Variants in ZNF829 observed in about 807,000 individuals in gnomAD.
ZNF829 encodes zinc finger protein 829.
ZNF829 carries 25 observed loss-of-function variants against 35.2 expected under a neutral mutation model. The observed-to-expected ratio is 0.71, with a 90% CI of 0.52 to 0.99. The LOEUF (loss-of-function observed/expected upper bound fraction) is 0.99. ZNF829 is among the 50% of genes least tolerant of loss of function. The probability of loss-of-function intolerance (pLI) is 0.00; values close to 1 mark genes in which losing one functional copy is unlikely to be tolerated. For synonymous variants in ZNF829, 136 were observed against 163.2 expected (o/e 0.83, Z 1.27); for missense variants, 417 against 515.3 (o/e 0.81, Z 1.85).
At position 36,892,159 on chromosome 19, in the gene ZNF829, G is replaced by A; in HGVS notation, c.632C>T (p.Pro211Leu). The A allele has an allele frequency of 6.2e-7, 1 of 1,614,072 alleles. No homozygotes were observed. The highest frequency in any genetic ancestry group is 8.5e-7 in the Non-Finnish European group (1 of 1,180,018). ...RHQRIHTGKK[P>L]YECKECGKAF... ...CTTGCCACATTCCTTACATTCATAGGGTTTTTTACCAGTGTGAATCCTCTG... is the reference window on the plus strand; with the variant it reads ...CTTGCCACATTCCTTACATTCATAGAGTTTTTTACCAGTGTGAATCCTCTG... Residue 211 changes from proline (P) to leucine (L), a missense_variant, in exon 6 of 6, where the codon CCC (proline) becomes CTC (leucine). Physicochemically the swap from Pro to Leu is moderately conservative, Grantham distance 98 (BLOSUM62 -3). Transcript: ENST00000391711.
intron 3 of ZNF829, among the ~76,000 whole-genome samples, chr19:36,911,614 A>G (rs1483574409): frequency 6.6e-6 from 1 of 152,170 alleles, no homozygotes; most frequent in Non-Finnish European, 1.5e-5. Flanking sequence ...ATAAAAGGAC[A>G]CACATTCCCA....
intron 5 of ZNF829, among the ~76,000 whole-genome samples, chr19:36,898,177 A>G (rs1257343690): frequency 2.0e-5 from 3 of 151,186 alleles, no homozygotes; most frequent in East Asian, 3.9e-4. Context: ...TCAAAAAGGG[A>G]AAAAAAAAGG....
rs1194563821 is a variant in ZNF829 at position 36,888,505 on chromosome 19, A to G, written c.*2987T>C. 2 of 152,198 alleles carry G rather than the reference A, an allele frequency of 1.3e-5. No individual in the cohort carries two copies. Among genetic ancestry groups the G allele is most frequent in the Non-Finnish European group, 2.9e-5 (2 of 68,042 alleles). 9.4% of individuals were successfully genotyped at this position (152,198 alleles called of 1,614,324 possible). A position where few individuals can be genotyped will look rare whatever the true frequency, so the allele number is the denominator to read the frequency against. On this transcript the variant is annotated 3_prime_UTR_variant, in exon 6 of 6. Transcript: ENST00000391711. The stretch of plus-strand genomic sequence containing the variant: ...TTCTACTCTGCACTCTGAAATCCAC[A>G]GTAACTTATTAGCATAATGCCCCCA...
chr19:36,915,049 G>C (rs772257900), intron 2 of ZNF829, 27 bp from the exon 3 acceptor site: 1 of 1,613,976 alleles, frequency 6.2e-7, no homozygotes, highest in Non-Finnish European at 8.5e-7. Flanking sequence ...TTGGGAGAGG[G>C]AAGAGTAACT....
At chr19:36,904,828 GGT>G (rs763166840) in intron 5 of ZNF829, among the ~76,000 whole-genome samples, 3 of 152,104 alleles carry the variant, frequency 2.0e-5, no homozygotes, top group Non-Finnish European at 2.9e-5. Context: ...CAAGTACAAA[GGT>G]ACAAGGTTAA....
intron 5 of ZNF829, chr19:36,901,840 C>A: frequency 1.4e-6 from 1 of 736,702 alleles, no homozygotes. Context: ...ACAAGCGCAT[C>A]CATGGAGTGG....
intron 5 of ZNF829, among the ~76,000 whole-genome samples, chr19:36,894,637 A>C (rs1002334250): frequency 4.6e-5 from 7 of 152,158 alleles, no homozygotes; most frequent in African/African-American, 1.7e-4. Context: ...GAAACTGACA[A>C]ATTTCAATGA....
In ZNF829 at chr19:36,907,963, C is replaced by T. The variant is rs372039208; in HGVS notation, c.285G>A (p.Met95Ile). Residue 95 changes from methionine to isoleucine, a missense_variant, in exon 5 of 6, where the codon ATG becomes ATA. Transcript: ENST00000391711. ...SLLEQGKEPW[M>I]VDRELTRGLC... ...GGCCTCTAGTCAGCTCTCTATCAAC[C>T]ATCCAGGGCTCTTTTCCTTGTTCCA... 105 of 1,613,920 alleles carry T rather than the reference C, an allele frequency of 6.5e-5. No homozygotes were observed. The highest frequency in any genetic ancestry group is 7.4e-5 in the Non-Finnish European group (87 of 1,179,966).
intron 1 of ZNF829, 56 bp downstream of exon 1, chr19:36,915,955 C>T (rs1410335862): frequency 2.6e-6 from 4 of 1,533,424 alleles, no homozygotes; most frequent in South Asian, 1.2e-5. Flanking sequence ...TTCCAGTCAT[C>T]CCGGATGGGA....
chr19:36,891,943 A>T lies in ZNF829; in HGVS notation c.848T>A (p.Leu283His). The change falls in exon 6 of 6, where the codon CTT becomes CAT. Residue 283 changes from leucine to histidine, a missense_variant. Transcript: ENST00000391711. ...AGTATGAATTCTCAGATGTAGAAAA[A>T]GTTGTGAACTTTTAGTAAAGGCTTT... ...CGKAFTKSSQLFLHLRIHTGE... is the reference protein window; with the variant it reads ...CGKAFTKSSQHFLHLRIHTGE... 2 of 1,614,032 alleles carry T rather than the reference A, an allele frequency of 1.2e-6. No individual in the cohort carries two copies. The highest frequency in any genetic ancestry group is 1.7e-6 in the Non-Finnish European group (2 of 1,180,000).
chr19:36,916,062 G>C lies in ZNF829; in HGVS notation c.-136C>G, dbSNP rs1729399741. On this transcript the variant is annotated 5_prime_UTR_variant, in exon 1 of 6. Transcript: ENST00000391711. The surrounding 1 kb of genome is among the most constrained non-coding windows in gnomAD (Gnocchi z 5.3). ...AGTGACGAAACGTTCGAATTCCTGC[G>C]AGAAAAGTGGCAGGCCACCAGGCCC... 1 of 882,594 alleles carries C rather than the reference G, an allele frequency of 1.1e-6. No individual in the cohort carries two copies. Among genetic ancestry groups the C allele is most frequent in the African/African-American group, 1.7e-5 (1 of 58,164 alleles). The allele number at this position is 882,594 out of a possible 1,614,324, so 54.7% of individuals were successfully genotyped here.
chr19:36,893,323 G>A (rs1035630045), intron 5 of ZNF829, among the ~76,000 whole-genome samples: 1 of 152,180 alleles, frequency 6.6e-6, no homozygotes, highest in African/African-American at 2.4e-5. Context: ...TTGACCTTGG[G>A]AGAAAGAAAT....
intron 3 of ZNF829, 140 bp from the exon 4 acceptor site, chr19:36,908,599 G>T: frequency 1.1e-6 from 1 of 899,614 alleles, no homozygotes; most frequent in Non-Finnish European, 1.6e-6. Context: ...TGTACAAAGG[G>T]ATATACAAAT....
chr19:36,888,429 T>C lies in ZNF829; in HGVS notation c.*3063A>G, dbSNP rs2073018242. On this transcript the variant is annotated 3_prime_UTR_variant, in exon 6 of 6. Coordinates refer to ENST00000391711, the MANE Select transcript of ZNF829 (RefSeq NM_001037232.4). ...ATCCAGTACTCCCACGTCAATAAAATTTATACACCCATTTTCTGTTCCCAC... is the reference window on the plus strand; with the variant it reads ...ATCCAGTACTCCCACGTCAATAAAACTTATACACCCATTTTCTGTTCCCAC... 1 of 152,166 alleles carries C rather than the reference T, an allele frequency of 6.6e-6. No homozygotes were observed. Among genetic ancestry groups the C allele is most frequent in the Non-Finnish European group, 1.5e-5 (1 of 68,026 alleles). The allele number at this position is 152,166 out of a possible 1,614,324, so 9.4% of individuals were successfully genotyped here. A position where few individuals can be genotyped will look rare whatever the true frequency, so the allele number is the denominator to read the frequency against.
chr19:36,900,206 TG>T, intron 5 of ZNF829, among the ~76,000 whole-genome samples: 1 of 147,360 alleles, frequency 6.8e-6, no homozygotes, highest in Admixed American at 6.8e-5. Context: ...ACAAATTTGC[TG>T]GGCGTGGTGG....
chr19:36,902,193 C>G (rs1225049255), intron 5 of ZNF829: 1 of 217,002 alleles, frequency 4.6e-6, no homozygotes, highest in Non-Finnish European at 9.1e-6. Context: ...AGTACCCCCC[C>G]GCACCCCGCA....
intron 5 of ZNF829, among the ~76,000 whole-genome samples, chr19:36,903,784 G>A (rs1399533159): frequency 3.3e-5 from 5 of 151,912 alleles, no homozygotes; most frequent in Admixed American, 6.6e-5. Flanking sequence ...CCAGCTACTC[G>A]GGAGGCTGAA....
chr19:36,908,496 AAAG>A lies in ZNF829; in HGVS notation c.97-40_97-38del, dbSNP rs773538775. 17 of 1,569,886 alleles carry A rather than the reference AAAG, an allele frequency of 1.1e-5. No individual in the cohort carries two copies. In the South Asian group the frequency reaches 2.0e-4, roughly 19 times the overall value. ...AACATGCTTTCACAATGAAAGGAGA[AAAG>A]AAAAAGATGGCGGTAGAGGTGGCAA... is the stretch of plus-strand genomic sequence containing the variant. On this transcript the variant is annotated intron_variant, in intron 3 of 5. Coordinates refer to ENST00000391711, the MANE Select transcript of ZNF829 (RefSeq NM_001037232.4).
rs2073033863 is a variant in ZNF829, at chr19:36,889,882, T to C, written c.*1610A>G. 2 of 152,208 alleles carry C rather than the reference T, an allele frequency of 1.3e-5. No individual in the cohort carries two copies. Among genetic ancestry groups the C allele is most frequent in the South Asian group, 4.1e-4 (2 of 4,828 alleles). 9.4% of individuals were successfully genotyped at this position (152,208 alleles called of 1,614,324 possible). On this transcript the variant is annotated 3_prime_UTR_variant, in exon 6 of 6. Transcript: ENST00000391711. ...TTAGGCTATTCATTTGAGATTTTTC[T>C]ATCTTTTTGGTGTAGGCATTTAATG...
Sources: gnomAD v4.1 joint callset for allele counts (sites outside exome capture counted in the v4.1 genomes callset) on GRCh38, gnomAD v4.1.1 for gene constraint, Gnocchi (gnomAD v3.1) non-coding constraint, MANE v1.5 for transcripts, NCBI Gene and HGNC (gene_info 2026-07-23, HGNC 2026-07-21) for gene names.